Variants in PLEKHM3 observed in about 807,000 individuals in gnomAD.
PLEKHM3 encodes the protein pleckstrin homology domain containing M3, also known as pleckstrin homology domain-containing family M member 3.
Under a neutral mutation model 81.8 loss-of-function variants are expected in PLEKHM3, and 45 were observed. That is an observed-to-expected ratio of 0.55 (90% CI 0.43 to 0.71). The LOEUF (loss-of-function observed/expected upper bound fraction) is 0.71, where lower values mean the gene tolerates loss of function less well. Among genes scored for constraint, PLEKHM3 ranks in the 30% least tolerant of loss-of-function variants. PLEKHM3 has a pLI of 0.00. For missense variants in PLEKHM3, 788 were observed against 924.3 expected, an observed-to-expected ratio of 0.85 and a Z score of 1.91; for synonymous variants, 352 against 356.4, an observed-to-expected ratio of 0.99 and a Z score of 0.14.
intron 3 of PLEKHM3, among the ~76,000 whole-genome samples, chr2:207,969,431 C>T (rs370968737): frequency 2.0e-5 from 3 of 152,374 alleles, no homozygotes; most frequent in East Asian, 3.9e-4. Flanking sequence ...ATCAAGGATG[C>T]TTGTATTGCT....
intron 7 of PLEKHM3, among the ~76,000 whole-genome samples, chr2:207,844,449 CCCA>C (rs72442438): frequency 0.31 from 45,916 of 149,192 alleles, 7,290 homozygotes; most frequent in Middle Eastern, 0.36. Flanking sequence ...ACTACAGGCG[CCCA>C]CCACCACGCC....
intron 6 of PLEKHM3, among the ~76,000 whole-genome samples, chr2:207,889,787 T>A (rs1437716128): frequency 6.6e-6 from 1 of 152,086 alleles, no homozygotes; most frequent in African/African-American, 2.4e-5. Flanking sequence ...CCCCCAGCCC[T>A]TCTACATTCA....
At chr2:207,832,180 A>G (rs2092292307) in intron 7 of PLEKHM3, among the ~76,000 whole-genome samples, 1 of 152,248 alleles carries the variant, frequency 6.6e-6, no homozygotes, top group South Asian at 2.1e-4. Context: ...AAAAAAATTA[A>G]TGATTTCAAA....
intron 6 of PLEKHM3, among the ~76,000 whole-genome samples, chr2:207,880,790 C>CAAAAAA (rs1221176290): frequency 8.6e-4 from 29 of 33,568 alleles, no homozygotes; most frequent in East Asian, 1.9e-3. Context: ...AAAAAAAAAC[C>CAAAAAA]AAAAAAACAA....
Position 207,977,499 on chromosome 2 carries a change from G to C in PLEKHM3, c.698C>G (p.Ala233Gly), listed in dbSNP as rs1381899980. 1 of 1,614,152 alleles carries C rather than the reference G, an allele frequency of 6.2e-7. No homozygotes were observed. Among genetic ancestry groups the C allele is most frequent in the Admixed American group, 1.7e-5 (1 of 60,008 alleles). Residue 233 changes from alanine (A) to glycine (G), a missense_variant, in exon 3 of 8, where the codon GCA becomes GGA. Physicochemically the swap from Ala to Gly is moderately conservative, Grantham distance 60. Coordinates refer to ENST00000427836, the MANE Select transcript of PLEKHM3 (RefSeq NM_001080475.3). ...GTATAAGTTGTAAGGTGAAAGTTCT[G>C]CATAACAGCTTTGCCAGTAACTGTC... ...DHDSYWQSCY[A>G]ELSPYNLYFY...
At chr2:207,958,444 C>T (rs1399500420) in intron 3 of PLEKHM3, among the ~76,000 whole-genome samples, 1 of 152,114 alleles carries the variant, frequency 6.6e-6, no homozygotes, top group African/African-American at 2.4e-5. Context: ...CATAGTTGAC[C>T]TCCCTCTTTC....
chr2:207,863,301 T>C (rs1272099386), intron 6 of PLEKHM3, among the ~76,000 whole-genome samples: 2 of 152,196 alleles, frequency 1.3e-5, no homozygotes, highest in African/African-American at 2.4e-5. Context: ...CTCCCCATCA[T>C]GAACCATGAA....
At chr2:207,839,216 A>G (rs2092336088) in intron 7 of PLEKHM3, among the ~76,000 whole-genome samples, 1 of 152,186 alleles carries the variant, frequency 6.6e-6, no homozygotes, top group Admixed American at 6.5e-5. Context: ...TAAGACACTA[A>G]GTACAACCAA....
chr2:207,872,792 A>G (rs921938357), intron 6 of PLEKHM3, among the ~76,000 whole-genome samples: 3 of 152,180 alleles, frequency 2.0e-5, no homozygotes, highest in African/African-American at 7.2e-5. Flanking sequence ...GCGCCAGTGT[A>G]CTCCAGCTTG....
chr2:207,831,760 G>C (rs1044294705), intron 7 of PLEKHM3, among the ~76,000 whole-genome samples: 1 of 152,130 alleles, frequency 6.6e-6, no homozygotes, highest in African/African-American at 2.4e-5. Context: ...TGAGGATAAA[G>C]GTCAGACCCA....
chr2:207,824,498 G>A lies in PLEKHM3; in HGVS notation c.*3821C>T, dbSNP rs1458791135. ...CTTGACTCTAAAGGAGGACCAGAATGTGTCTCTACTTCCACTGCTAACGCC... is the reference window on the plus strand; with the variant it reads ...CTTGACTCTAAAGGAGGACCAGAATATGTCTCTACTTCCACTGCTAACGCC... On this transcript the variant is annotated 3_prime_UTR_variant, in exon 8 of 8. Transcript: ENST00000427836. 6.6e-6 allele frequency: 1 copy of A among 152,236 alleles called. No homozygotes were observed. The highest frequency in any genetic ancestry group is 1.5e-5 in the Non-Finnish European group (1 of 68,050). The allele number at this position is 152,236 out of a possible 1,614,324, so 9.4% of individuals were successfully genotyped here.
intron 5 of PLEKHM3, among the ~76,000 whole-genome samples, chr2:207,917,167 C>T (rs1259485028): frequency 1.3e-5 from 2 of 152,188 alleles, no homozygotes; most frequent in South Asian, 2.1e-4. Context: ...AAATGACATC[C>T]TTTATTTCTG....
intron 6 of PLEKHM3, among the ~76,000 whole-genome samples, chr2:207,907,802 G>A (rs2105899897): frequency 6.6e-6 from 1 of 152,220 alleles, no homozygotes; most frequent in African/African-American, 2.4e-5. Context: ...CTTTCATTAA[G>A]CCTCCAAAGA....
chr2:207,962,498 C>T (rs974459723), intron 3 of PLEKHM3, among the ~76,000 whole-genome samples: 2 of 152,178 alleles, frequency 1.3e-5, no homozygotes, highest in East Asian at 1.9e-4. Context: ...GTATGTATAG[C>T]ATTTTCCTGA....
chr2:207,929,452 T>C lies in PLEKHM3; in HGVS notation c.1886+1474A>G, dbSNP rs75773720. Among the ~76,000 whole-genome samples, 205 of 152,328 alleles carry C rather than the reference T, an allele frequency of 1.3e-3. 1 individual carries two copies. Among genetic ancestry groups the C allele is most frequent in the Middle Eastern group, 6.8e-3 (2 of 294 alleles). On this transcript the variant is annotated intron_variant, in intron 5 of 7. Coordinates refer to ENST00000427836, the MANE Select transcript of PLEKHM3 (RefSeq NM_001080475.3). ...TAGAGATTTTAATATTGTCTAGAAA[T>C]ACAGGCACAAGAAAAATAAGCTCTG... is the stretch of plus-strand genomic sequence containing the variant.
At chr2:207,847,329 A>C (rs2092389437) in intron 7 of PLEKHM3, among the ~76,000 whole-genome samples, 1 of 152,240 alleles carries the variant, frequency 6.6e-6, no homozygotes, top group Non-Finnish European at 1.5e-5. Context: ...CCAAGGTGAA[A>C]TGTTATTTAC....
intron 6 of PLEKHM3, among the ~76,000 whole-genome samples, chr2:207,897,978 G>A (rs573967439): frequency 9.8e-5 from 15 of 152,296 alleles, no homozygotes; most frequent in African/African-American, 3.6e-4. Flanking sequence ...TAGCTTGGCT[G>A]TTTCCTTGTG....
chr2:208,005,585 T>C (rs1301718907), intron 1 of PLEKHM3, among the ~76,000 whole-genome samples: 1 of 152,224 alleles, frequency 6.6e-6, no homozygotes, highest in African/African-American at 2.4e-5. Context: ...ATTAAGGTTA[T>C]ATACTATGAA....
intron 6 of PLEKHM3, among the ~76,000 whole-genome samples, chr2:207,882,167 G>T (rs2092594870): frequency 6.6e-6 from 1 of 152,152 alleles, no homozygotes; most frequent in African/African-American, 2.4e-5. Flanking sequence ...TTGGGGAATG[G>T]GCAGCTTTAG....
Sources: allele counts gnomAD v4.1 joint callset (sites outside exome capture counted in the v4.1 genomes callset), GRCh38; gene constraint gnomAD v4.1.1; transcripts MANE v1.5; gene names NCBI Gene and HGNC (gene_info 2026-07-23, HGNC 2026-07-21).